The following RNASEH2B variants were observed in gnomAD, a reference collection of about 807,000 sequenced individuals.
The protein encoded by RNASEH2B is Aicardi-Goutieres syndrome 2 protein.
In RNASEH2B, 36 loss-of-function variants were observed where a neutral mutation model predicts 45.0. The observed-to-expected ratio is 0.80, with a 90% CI of 0.61 to 1.06. The LOEUF (loss-of-function observed/expected upper bound fraction) is 1.06, where lower values mean the gene tolerates loss of function less well. RNASEH2B is among the 50% of genes least tolerant of loss of function. The pLI is 0.00. For synonymous variants in RNASEH2B, 119 were observed against 125.7 expected (o/e 0.95, Z 0.35); for missense variants, 361 against 360.3 (o/e 1.00, Z -0.02).
intron 1 of RNASEH2B, chr13:50,912,560 A>T (rs1018748185): frequency 6.6e-6 from 1 of 152,200 alleles, no homozygotes; most frequent in Non-Finnish European, 1.5e-5. Context: ...TGTGAGGCTC[A>T]TCTTCCCAGA....
At chr13:50,910,399 G>A (rs1237553388) in intron 1 of RNASEH2B, 3 of 353,850 alleles carry the variant, frequency 8.5e-6, no homozygotes, top group Non-Finnish European at 1.5e-5. Flanking sequence ...GGTGGAAGCC[G>A]ACTCAGCCTG....
intron 2 of RNASEH2B, among the ~76,000 whole-genome samples, chr13:50,928,124 A>T (rs1201516804): frequency 6.6e-6 from 1 of 152,128 alleles, no homozygotes; most frequent in African/African-American, 2.4e-5. Flanking sequence ...ATTAAAGTGT[A>T]TTCTAAATAT....
chr13:50,960,464 G>C (rs1024996719), downstream of RNASEH2B, among the ~76,000 whole-genome samples: 1 of 152,114 alleles, frequency 6.6e-6, no homozygotes, highest in African/African-American at 2.4e-5. Flanking sequence ...GACACTAGCT[G>C]TTGCTAATAT....
chr13:50,954,265 A>G, intron 10 of RNASEH2B: 4 of 540,284 alleles, frequency 7.4e-6, no homozygotes, highest in Non-Finnish European at 1.3e-5. Context: ...GAAAGGAGGG[A>G]GGAAGCTCTA....
intron 6 of RNASEH2B, among the ~76,000 whole-genome samples, chr13:50,944,044 C>T (rs1405067042): frequency 6.7e-5 from 7 of 103,960 alleles, no homozygotes; most frequent in East Asian, 6.1e-4. Flanking sequence ...CGTGATGGGA[C>T]GGGACGGGAT....
At chr13:50,934,667 A>G (rs1296995667) in intron 4 of RNASEH2B, 1 of 576,586 alleles carries the variant, frequency 1.7e-6, no homozygotes, top group Non-Finnish European at 3.1e-6. Context: ...CCCAAGGTAG[A>G]TGGTGTGCTG....
chr13:50,940,400 TAAATA>T (rs965266800), intron 5 of RNASEH2B, among the ~76,000 whole-genome samples: 3 of 152,264 alleles, frequency 2.0e-5, no homozygotes, highest in African/African-American at 7.2e-5. Flanking sequence ...CGTGAACACC[TAAATA>T]AAATTCATTT....
chr13:50,927,807 T>C (rs1951620048), intron 2 of RNASEH2B, among the ~76,000 whole-genome samples: 1 of 152,168 alleles, frequency 6.6e-6, no homozygotes, highest in South Asian at 2.1e-4. Flanking sequence ...TCTTAGTTAT[T>C]CAACATTAGC....
intron 10 of RNASEH2B, chr13:50,955,601 C>G (rs549089528): frequency 6.6e-6 from 1 of 152,312 alleles, no homozygotes; most frequent in East Asian, 1.9e-4. Flanking sequence ...CTAAAAAATA[C>G]TTTATCAATG....
chr13:50,965,762 G>A (rs1429258978), intron 9 of RNASEH2B, among the ~76,000 whole-genome samples: 3 of 152,292 alleles, frequency 2.0e-5, no homozygotes, highest in African/African-American at 7.2e-5. Flanking sequence ...TAATCTCTCT[G>A]GATAAAGGGC....
rs1259183209 is a variant in RNASEH2B at position 50,910,003 on chromosome 13, C to A, written c.-74C>A. ...CGCCACCCGGAACAGACCCTTCTCC[C>A]GCCATTTTCGGCGGGGCTGGGAGAC... On this transcript the variant is annotated 5_prime_UTR_variant, in exon 1 of 11. Transcript: ENST00000336617. The A allele has an allele frequency of 2.3e-6, 3 of 1,328,004 alleles. No homozygotes were observed. Among genetic ancestry groups the A allele is most frequent in the African/African-American group, 3.1e-5 (2 of 65,166 alleles). The allele number at this position is 1,328,004 out of a possible 1,614,324, so 82.3% of individuals were successfully genotyped here.
chr13:50,965,771 G>A (rs1447277796), intron 9 of RNASEH2B, among the ~76,000 whole-genome samples: 1 of 152,206 alleles, frequency 6.6e-6, no homozygotes. Flanking sequence ...TGGATAAAGG[G>A]CTGTGAATTT....
intron 9 of RNASEH2B, among the ~76,000 whole-genome samples, chr13:50,965,833 TTAGAGA>T (rs1227184773): frequency 6.6e-6 from 1 of 152,192 alleles, no homozygotes; most frequent in Non-Finnish European, 1.5e-5. Flanking sequence ...TACGTAGCAT[TTAGAGA>T]TTATTTATAT....
At chr13:50,946,555 G>A (rs773198616) in intron 7 of RNASEH2B, among the ~76,000 whole-genome samples, 1 of 152,148 alleles carries the variant, frequency 6.6e-6, no homozygotes, top group Non-Finnish European at 1.5e-5. Flanking sequence ...AGATAGGTGG[G>A]TGGATAGATG....
intron 5 of RNASEH2B, chr13:50,941,958 G>A (rs1238894597): frequency 6.6e-6 from 1 of 152,248 alleles, no homozygotes. Context: ...AAATTCACAG[G>A]AACTAAGGCC....
chr13:50,920,310 A>C (rs1951507670), intron 1 of RNASEH2B, among the ~76,000 whole-genome samples: 1 of 152,146 alleles, frequency 6.6e-6, no homozygotes, highest in Non-Finnish European at 1.5e-5. Context: ...CTGATTTCAC[A>C]ATACTGGGAT....
At chr13:50,945,300 G>C in intron 6 of RNASEH2B, 127 bp from the exon 7 acceptor site, 3 of 700,716 alleles carry the variant, frequency 4.3e-6, no homozygotes, top group Non-Finnish European at 2.6e-6. Context: ...GTCTGGTGAA[G>C]ATACTTCTAG....
chr13:50,914,944 T>C (rs1003252952), intron 1 of RNASEH2B, among the ~76,000 whole-genome samples: 36 of 152,226 alleles, frequency 2.4e-4, no homozygotes, highest in Admixed American at 2.4e-3. Context: ...AGCCTGGCTA[T>C]AATAACACAG....
At chr13:50,961,467 C>T (rs1380616412), downstream of RNASEH2B, among the ~76,000 whole-genome samples, 1 of 152,030 alleles carries the variant, frequency 6.6e-6, no homozygotes, top group Non-Finnish European at 1.5e-5. Context: ...CATGTTGTTT[C>T]AGAAGAGCTA....
Sources: gnomAD v4.1 joint callset for allele counts (sites outside exome capture counted in the v4.1 genomes callset) on GRCh38, gnomAD v4.1.1 for gene constraint, MANE v1.5 for transcripts, NCBI Gene and HGNC (gene_info 2026-07-23, HGNC 2026-07-21) for gene names.